The following BRWD1 variants were observed in gnomAD, a reference collection of about 807,000 sequenced individuals.
BRWD1 encodes bromodomain and WD repeat domain containing 1, also known as bromodomain and WD repeat-containing protein 1.
BRWD1 carries 82 observed loss-of-function variants against 251.2 expected under a neutral mutation model. The ratio of observed to expected loss-of-function variants is 0.33; its 90% CI spans 0.27 to 0.39. The LOEUF (loss-of-function observed/expected upper bound fraction) is 0.39, where lower values mean the gene tolerates loss of function less well. BRWD1 is among the 10% of genes least tolerant of loss of function. The pLI, the probability that BRWD1 is intolerant of heterozygous loss-of-function variation, is 1.00. For missense variants in BRWD1, 2,233 were observed against 2,711.6 expected, an observed-to-expected ratio of 0.82 and a Z score of 3.92; for synonymous variants, 918 against 902.8, an observed-to-expected ratio of 1.02 and a Z score of -0.30.
At chr21:39,217,959 G>A (rs1298816807) in intron 31 of BRWD1, among the ~76,000 whole-genome samples, 193 bp downstream of exon 31, 1 of 152,018 alleles carries the variant, frequency 6.6e-6, no homozygotes, top group Non-Finnish European at 1.5e-5. Flanking sequence ...GGTGAAATAT[G>A]GTAGTCAATC....
At chr21:39,303,044 G>A (rs975957207) in intron 4 of BRWD1, among the ~76,000 whole-genome samples, 1 of 152,054 alleles carries the variant, frequency 6.6e-6, no homozygotes, top group Non-Finnish European at 1.5e-5. Flanking sequence ...GCACAACAGA[G>A]ACTCCGTCTC....
rs1458780455 is a variant in BRWD1 at position 39,230,754 on chromosome 21, CAT to C, written c.3001-1320_3001-1319del. Among the ~76,000 whole-genome samples, 10 of 151,494 alleles carry C rather than the reference CAT, an allele frequency of 6.6e-5. No homozygotes were observed. The East Asian group carries it at 1.6e-3, about 24-fold the overall frequency. The stretch of plus-strand genomic sequence containing the variant: ...CCAGAAAAAGCACAAAAATGGAAAA[CAT>C]GTGGCACTGAATAGACCATGAAAAG... On this transcript the variant is annotated intron_variant, in intron 25 of 40. Coordinates refer to ENST00000342449, the MANE Select transcript of BRWD1 (RefSeq NM_033656.4).
At chr21:39,290,894 G>A (rs902599735) in intron 8 of BRWD1, among the ~76,000 whole-genome samples, 1 of 152,190 alleles carries the variant, frequency 6.6e-6, no homozygotes, top group Non-Finnish European at 1.5e-5. Context: ...CACTTTGGGA[G>A]GTGGAGGAAG....
At chr21:39,246,053 A>T (rs1281583509) in intron 21 of BRWD1, among the ~76,000 whole-genome samples, 1 of 152,218 alleles carries the variant, frequency 6.6e-6, no homozygotes, top group Non-Finnish European at 1.5e-5. Flanking sequence ...GAAAAAATAA[A>T]ATGAATGTCA....
Position 39,190,595 on chromosome 21 carries a change from C to G in BRWD1, c.*5664G>C. 1 of 985,272 alleles carries G rather than the reference C, an allele frequency of 1.0e-6. No individual in the cohort carries two copies. Among genetic ancestry groups the G allele is most frequent in the Non-Finnish European group, 1.2e-6 (1 of 829,846 alleles). The allele number at this position is 985,272 out of a possible 1,614,324, so 61.0% of individuals were successfully genotyped here. On this transcript the variant is annotated 3_prime_UTR_variant, in exon 41 of 41. Coordinates refer to ENST00000342449, the MANE Select transcript of BRWD1 (RefSeq NM_033656.4). ...TGAGATATTCTCTCCTCTGTCTGCC[C>G]TTCATTGATAAGCAATGAAATGACC...
chr21:39,303,411 TGA>T (rs1269663382), intron 4 of BRWD1, among the ~76,000 whole-genome samples: 4 of 149,000 alleles, frequency 2.7e-5, no homozygotes, highest in Non-Finnish European at 4.4e-5. Flanking sequence ...CTCAGCTACT[TGA>T]GAGGCTGAGG....
intron 27 of BRWD1, among the ~76,000 whole-genome samples, chr21:39,226,621 T>G (rs1490850741): frequency 6.6e-6 from 1 of 152,232 alleles, no homozygotes; most frequent in Non-Finnish European, 1.5e-5. Flanking sequence ...AACCTGCTAA[T>G]GTTGCTTCAT....
At chr21:39,202,572 C>G in intron 37 of BRWD1, 27 bp from the exon 38 acceptor site, 1 of 1,497,144 alleles carries the variant, frequency 6.7e-7, no homozygotes, top group Non-Finnish European at 9.2e-7. Flanking sequence ...ACAAAGGAAA[C>G]AGTATTTAAC....
intron 13 of BRWD1, among the ~76,000 whole-genome samples, chr21:39,271,268 G>A (rs543474719): frequency 6.6e-6 from 1 of 152,268 alleles, no homozygotes; most frequent in East Asian, 1.9e-4. Context: ...CTCCAGCCTG[G>A]GTGACAGAGC....
chr21:39,225,289 A>AAAAG (rs139986112), intron 27 of BRWD1, 92 bp from the exon 28 acceptor site: 14 of 868,344 alleles, frequency 1.6e-5, no homozygotes, highest in Admixed American at 1.4e-4. Flanking sequence ...TACAGATAAA[A>AAAAG]AAGCCAAAAG....
chr21:39,298,411 C>A (rs780964827), intron 5 of BRWD1, 21 bp downstream of exon 5: 10 of 1,560,810 alleles, frequency 6.4e-6, no homozygotes, highest in Non-Finnish European at 8.6e-6. Flanking sequence ...CAAAGCAGAA[C>A]ACTTCTTCAA....
chr21:39,271,513 CCTCGT>C (rs2035102077), intron 13 of BRWD1, among the ~76,000 whole-genome samples: 1 of 150,574 alleles, frequency 6.6e-6, no homozygotes, highest in South Asian at 2.1e-4. Context: ...CACGGTGAAA[CCTCGT>C]CTCTACTAAA....
intron 37 of BRWD1, among the ~76,000 whole-genome samples, chr21:39,203,182 C>A (rs1175132098): frequency 2.6e-5 from 4 of 152,044 alleles, no homozygotes; most frequent in Non-Finnish European, 4.4e-5. Context: ...AAGAAATGGC[C>A]GAACATGCCT....
intron 5 of BRWD1, chr21:39,296,639 C>T: frequency 1.1e-6 from 1 of 941,176 alleles, no homozygotes; most frequent in Non-Finnish European, 1.3e-6. Context: ...ATCCTCACAA[C>T]AACCCTGTGA....
chr21:39,270,784 T>C (rs533608524), intron 13 of BRWD1, among the ~76,000 whole-genome samples: 7 of 152,208 alleles, frequency 4.6e-5, no homozygotes, highest in African/African-American at 7.2e-5. Context: ...TTTCTCTCCA[T>C]AGAAGACAAA....
chr21:39,313,908 G>A (rs2036622721), upstream of BRWD1: 2 of 316,940 alleles, frequency 6.3e-6, no homozygotes, highest in African/African-American at 2.3e-5. Flanking sequence ...TTGTGAGGCG[G>A]CAGCGCGACG....
In BRWD1 at chr21:39,196,641, G is replaced by A. The variant is rs2031831640; in HGVS notation, c.6428C>T (p.Thr2143Ile). The A allele has an allele frequency of 1.2e-6, 2 of 1,613,708 alleles. No homozygotes were observed. Among genetic ancestry groups the A allele is most frequent in the African/African-American group, 2.7e-5 (2 of 74,994 alleles). ...PELENVKISETTGNSKFRPDT... is the reference protein window; with the variant it reads ...PELENVKISEITGNSKFRPDT... ...AGGTCTAAACTTTGAATTCCCAGTT[G>A]TTTCAGAGATTTTCACATTTTCCAA... The change falls in exon 41 of 41, where the codon ACA (threonine) becomes ATA (isoleucine). Residue 2143 changes from threonine to isoleucine, a missense_variant. Thr to Ile is a moderately conservative substitution (Grantham distance 89). Transcript: ENST00000342449.
chr21:39,256,595 C>G (rs1034653585), intron 18 of BRWD1, among the ~76,000 whole-genome samples: 1 of 152,008 alleles, frequency 6.6e-6, no homozygotes, highest in African/African-American at 2.4e-5. Flanking sequence ...CTCCCATGAG[C>G]TGGAAGCCAC....
chr21:39,206,054 A>T, intron 37 of BRWD1, 54 bp downstream of exon 37: 1 of 1,518,592 alleles, frequency 6.6e-7, no homozygotes, highest in Non-Finnish European at 8.9e-7. Context: ...ACACAGTGAG[A>T]CTCTCTCCAA....
Sources: allele counts gnomAD v4.1 joint callset (sites outside exome capture counted in the v4.1 genomes callset), GRCh38; gene constraint gnomAD v4.1.1; transcripts MANE v1.5; gene names NCBI Gene and HGNC (gene_info 2026-07-23, HGNC 2026-07-21).